Variants in PSD2 observed in about 807,000 individuals in gnomAD.
PSD2 encodes the protein pleckstrin and Sec7 domain containing 2.
Under a neutral mutation model 69.8 loss-of-function variants are expected in PSD2, and 38 were observed. That is an observed-to-expected ratio of 0.54 (90% CI 0.42 to 0.71). The LOEUF is 0.71. PSD2 is among the 30% of genes least tolerant of loss of function. The pLI is 0.00. For synonymous variants in PSD2, 412 were observed against 423.0 expected, an observed-to-expected ratio of 0.97 and a Z score of 0.32; for missense variants, 943 against 1,014.5, an observed-to-expected ratio of 0.93 and a Z score of 0.96.
chr5:139,755,414 A>G, the PSD2 span, among the ~76,000 whole-genome samples: 864 of 152,034 alleles, frequency 5.7e-3, 7 homozygotes, highest in African/African-American at 0.019. Context: ...GTGCGTGGGT[A>G]TCTTTGGGAC....
the PSD2 span, among the ~76,000 whole-genome samples, chr5:139,788,184 C>T: frequency 1.7e-4 from 26 of 151,872 alleles, no homozygotes; most frequent in African/African-American, 6.0e-4. Flanking sequence ...CCCGCGCCCC[C>T]CCCCGAACCC....
intron 5 of PSD2, 130 bp from the exon 6 acceptor site, chr5:139,821,763 C>A: frequency 1.9e-6 from 1 of 538,126 alleles, no homozygotes; most frequent in Non-Finnish European, 3.3e-6. Context: ...GTGGAGAGAG[C>A]ATCCAGACCC....
the PSD2 span, among the ~76,000 whole-genome samples, chr5:139,784,029 C>CCT: frequency 2.7e-5 from 4 of 147,540 alleles, no homozygotes; most frequent in Admixed American, 2.8e-4. Context: ...ACTGCAGCAA[C>CCT]CTCCTGGGTT....
At chr5:139,748,208 G>A in the PSD2 span, among the ~76,000 whole-genome samples, 2 of 126,026 alleles carry the variant, frequency 1.6e-5, no homozygotes, top group South Asian at 5.4e-4. Context: ...CACCTACCCA[G>A]CCAGACACGG....
At chr5:139,841,941 G>A (rs1760880720) in intron 14 of PSD2, among the ~76,000 whole-genome samples, 1 of 152,192 alleles carries the variant, frequency 6.6e-6, no homozygotes, top group African/African-American at 2.4e-5. Context: ...CTCCCATTCT[G>A]TAGGTTGCCT....
At chr5:139,773,947 A>G in the PSD2 span, among the ~76,000 whole-genome samples, 43 of 151,998 alleles carry the variant, frequency 2.8e-4, no homozygotes, top group Admixed American at 6.6e-5. Flanking sequence ...TGCACAAGGG[A>G]CAAGGGTTTC....
the PSD2 span, among the ~76,000 whole-genome samples, chr5:139,752,049 T>TGCTCACCTCA: frequency 6.6e-6 from 1 of 151,974 alleles, no homozygotes; most frequent in Non-Finnish European, 1.5e-5. Flanking sequence ...CACCTTAGCC[T>TGCTCACCTCA]CCAAAAGTGC....
At chr5:139,742,912 C>T in the PSD2 span, among the ~76,000 whole-genome samples, 1 of 152,172 alleles carries the variant, frequency 6.6e-6, no homozygotes, top group Non-Finnish European at 1.5e-5. Flanking sequence ...TCTACAGTCC[C>T]TTAAGGGCTG....
In PSD2 at chr5:139,843,918, T is replaced by C. The variant is rs923865035; in HGVS notation, c.*1444T>C. On this transcript the variant is annotated 3_prime_UTR_variant, in exon 15 of 15. Transcript: ENST00000274710. Reference sequence around the variant, plus strand: ...CGTCAGTGGTAACACACTTAGTTAATAAAATAAGCCAGGCTTGCAACTAAG... The same window carrying C: ...CGTCAGTGGTAACACACTTAGTTAACAAAATAAGCCAGGCTTGCAACTAAG... The C allele has an allele frequency of 6.6e-6, 1 of 152,330 alleles. No homozygotes were observed. The highest frequency in any genetic ancestry group is 6.5e-5 in the Admixed American group (1 of 15,302). The allele number at this position is 152,330 out of a possible 1,614,324, so 9.4% of individuals were successfully genotyped here. A position where few individuals can be genotyped will look rare whatever the true frequency, so the allele number is the denominator to read the frequency against.
intron 1 of PSD2, among the ~76,000 whole-genome samples, chr5:139,797,749 TG>T (rs1759566895): frequency 6.6e-6 from 1 of 152,180 alleles, no homozygotes; most frequent in East Asian, 1.9e-4. Flanking sequence ...TCCCATTTTG[TG>T]GTAGAGCTGT....
chr5:139,801,355 C>T (rs1410154849), intron 1 of PSD2, among the ~76,000 whole-genome samples: 5 of 152,194 alleles, frequency 3.3e-5, no homozygotes, highest in Non-Finnish European at 1.5e-5. Flanking sequence ...TCAAGGTCAT[C>T]AGTAATGTTC....
the PSD2 span, among the ~76,000 whole-genome samples, chr5:139,748,800 C>T: frequency 6.6e-6 from 1 of 152,176 alleles, no homozygotes; most frequent in Non-Finnish European, 1.5e-5. Flanking sequence ...CCGAGTAAAT[C>T]ACCGCGATGA....
At chr5:139,762,484 G>T in the PSD2 span, among the ~76,000 whole-genome samples, 1 of 152,326 alleles carries the variant, frequency 6.6e-6, no homozygotes, top group Middle Eastern at 3.4e-3. Context: ...AGGACTACAG[G>T]TGTGCACCAC....
chr5:139,830,408 T>C (rs2126958998), intron 7 of PSD2, among the ~76,000 whole-genome samples: 1 of 147,906 alleles, frequency 6.8e-6, no homozygotes, highest in Middle Eastern at 3.6e-3. Flanking sequence ...TGGAGTGTAG[T>C]GGTGTGATCC....
the PSD2 span, chr5:139,743,578 CTGTG>C: frequency 2.0e-5 from 3 of 153,202 alleles, no homozygotes; most frequent in East Asian, 1.9e-4. Context: ...GAGGACCTGT[CTGTG>C]TGATCACATG....
chr5:139,802,624 G>A (rs111845848), intron 1 of PSD2, among the ~76,000 whole-genome samples: 243 of 152,102 alleles, frequency 1.6e-3, no homozygotes, highest in African/African-American at 5.6e-3. Context: ...GTCCTTTGTG[G>A]TTCCTGATAA....
At chr5:139,766,671 G>GA in the PSD2 span, among the ~76,000 whole-genome samples, 2 of 152,162 alleles carry the variant, frequency 1.3e-5, no homozygotes, top group African/African-American at 4.8e-5. Context: ...AAGGTCCTTA[G>GA]AGATGCCTCC....
At position 139,822,715 on chromosome 5, in the gene PSD2, C is replaced by G; in HGVS notation, c.1211-11C>G. The G allele has an allele frequency of 1.2e-6, 2 of 1,608,174 alleles. No individual in the cohort carries two copies. The highest frequency in any genetic ancestry group is 2.2e-5 in the East Asian group (1 of 44,458). ...ATCCTCGCACTGAGAGTGCCACCAT[C>G]TCTGACTCAGATGGGATCCACACGC... On this transcript the variant is annotated splice_polypyrimidine_tract_variant and intron_variant, in intron 6 of 14. Coordinates refer to ENST00000274710, the MANE Select transcript of PSD2 (RefSeq NM_032289.4).
At chr5:139,835,825 G>T (rs1487461774) in intron 9 of PSD2, 59 bp downstream of exon 9, 12 of 1,536,902 alleles carry the variant, frequency 7.8e-6, no homozygotes, top group Non-Finnish European at 7.2e-6. Flanking sequence ...GGGGGAGTGT[G>T]GGGGTGCAGG....
Sources: gnomAD v4.1 joint callset for allele counts (sites outside exome capture counted in the v4.1 genomes callset) on GRCh38, gnomAD v4.1.1 for gene constraint, MANE v1.5 for transcripts, NCBI Gene and HGNC (gene_info 2026-07-23, HGNC 2026-07-21) for gene names.